The following CFAP44 variants were observed in gnomAD, a reference collection of about 807,000 sequenced individuals.
CFAP44 encodes the protein cilia- and flagella-associated protein 44.
Under a neutral mutation model 216.2 loss-of-function variants are expected in CFAP44, and 134 were observed. That is an observed-to-expected ratio of 0.62 (90% confidence interval 0.54 to 0.72). The LOEUF is 0.72. CFAP44 is among the 30% of genes least tolerant of loss of function. The pLI, the probability that CFAP44 is intolerant of heterozygous loss-of-function variation, is 0.00. For missense variants in CFAP44, 2,035 were observed against 2,182.1 expected, an observed-to-expected ratio of 0.93 and a Z score of 1.34; for synonymous variants, 700 against 727.6, an observed-to-expected ratio of 0.96 and a Z score of 0.61.
rs116111943 is a variant in CFAP44 at position 113,297,323 on chromosome 3, A to C, written c.5078-438T>G. On this transcript the variant is annotated intron_variant, in intron 32 of 34. Transcript: ENST00000393845. The stretch of plus-strand genomic sequence containing the variant: ...GAGGCCCTGCATGGTCAGCCTGCCT[A>C]CCCTGCTTTCTCTCCCCGCTGCTTT... 2.6e-5 allele frequency among the ~76,000 whole-genome samples: 4 copies of C among 151,856 alleles called. No homozygotes were observed. In the East Asian group the frequency reaches 7.7e-4, roughly 29 times the overall value.
chr3:113,420,698 T>C (rs1021817743), intron 4 of CFAP44, among the ~76,000 whole-genome samples: 1 of 152,222 alleles, frequency 6.6e-6, no homozygotes, highest in African/African-American at 2.4e-5. Context: ...GCCTTTTCCT[T>C]GATGTTGAAA....
Position 113,291,634 on chromosome 3 carries a change from A to T in CFAP44, c.5488T>A (p.Leu1830Met). The stretch of plus-strand genomic sequence containing the variant: ...AGGATAAGACTGCCTTTCCTACGCA[A>T]AAGAGCAATCTCCTCCTTTAAGGCC... ...ISALKEEIAL[L>M]RRKGSLILPP... is the part of the protein sequence containing the mutation. Residue 1830 changes from leucine to methionine, a missense_variant, in exon 35 of 35, where the codon TTG becomes ATG. Physicochemically the swap from Leu to Met is conservative, Grantham distance 15. Coordinates refer to ENST00000393845, the MANE Select transcript of CFAP44 (RefSeq NM_001164496.2). The T allele has an allele frequency of 6.5e-7, 1 of 1,537,334 alleles. No individual in the cohort carries two copies. Among genetic ancestry groups the T allele is most frequent in the South Asian group, 1.2e-5 (1 of 84,058 alleles).
chr3:113,401,537 T>C (rs757263081), intron 10 of CFAP44, 47 bp downstream of exon 10: 1 of 1,600,974 alleles, frequency 6.2e-7, no homozygotes, highest in African/African-American at 1.3e-5. Flanking sequence ...ACTTTAATTT[T>C]TGGTCCATGT....
chr3:113,405,661 G>T (rs1576593000), intron 8 of CFAP44, among the ~76,000 whole-genome samples: 1 of 152,124 alleles, frequency 6.6e-6, no homozygotes, highest in East Asian at 1.9e-4. Flanking sequence ...CTAAAAATTT[G>T]ATATTTATTT....
intron 22 of CFAP44, among the ~76,000 whole-genome samples, chr3:113,345,976 G>A (rs1950377688): frequency 6.6e-6 from 1 of 152,002 alleles, no homozygotes; most frequent in Non-Finnish European, 1.5e-5. Context: ...TTTGCCCACT[G>A]GAACTTTTAA....
intron 21 of CFAP44, chr3:113,360,377 T>C (rs188108506): frequency 9.7e-4 from 221 of 226,926 alleles, no homozygotes; most frequent in South Asian, 1.8e-3. Flanking sequence ...TGTCTGAGTA[T>C]TTGAGAATGA....
chr3:113,426,340 A>C (rs1934959545), intron 3 of CFAP44, 63 bp from the exon 4 acceptor site: 51 of 1,551,250 alleles, frequency 3.3e-5, no homozygotes, highest in Admixed American at 1.1e-4. Context: ...CCCAAATCTC[A>C]ACTTGAATTG....
chr3:113,327,838 T>C lies in CFAP44; in HGVS notation c.4117-19A>G. ...CTTTGATCTGAGATGGAAAAAATAT[T>C]TGCGGATACGTTAGAAGACTAGATA... On this transcript the variant is annotated intron_variant, in intron 26 of 34. Coordinates refer to ENST00000393845, the MANE Select transcript of CFAP44 (RefSeq NM_001164496.2). 1 of 1,534,656 alleles carries C rather than the reference T, an allele frequency of 6.5e-7. No individual in the cohort carries two copies.
At chr3:113,327,912 T>C (rs1950202183) in intron 26 of CFAP44, 93 bp from the exon 27 acceptor site, 2 of 1,131,870 alleles carry the variant, frequency 1.8e-6, no homozygotes, top group South Asian at 1.6e-5. Flanking sequence ...GAAGTCATTT[T>C]TTATTATGCC....
At chr3:113,390,014 C>T (rs1933752990) in intron 15 of CFAP44, among the ~76,000 whole-genome samples, 1 of 152,100 alleles carries the variant, frequency 6.6e-6, no homozygotes, top group Non-Finnish European at 1.5e-5. Context: ...CAGTACTACC[C>T]TAATACCAAA....
chr3:113,358,963 A>G, intron 21 of CFAP44, 88 bp from the exon 22 acceptor site: 1 of 1,403,612 alleles, frequency 7.1e-7, no homozygotes, highest in Non-Finnish European at 9.4e-7. Flanking sequence ...TTCATGCTGC[A>G]TCATAACTCT....
At chr3:113,434,062 T>C (rs1393209630) in intron 1 of CFAP44, 2 of 171,084 alleles carry the variant, frequency 1.2e-5, no homozygotes, top group African/African-American at 2.4e-5. Flanking sequence ...TTTCAGTTTT[T>C]AAAATATTTT....
intron 19 of CFAP44, among the ~76,000 whole-genome samples, chr3:113,365,604 T>C (rs1047516729): frequency 2.6e-5 from 4 of 152,190 alleles, no homozygotes; most frequent in Admixed American, 6.5e-5. Context: ...CATTGTCACA[T>C]TCTAATACTA....
chr3:113,416,736 T>G lies in CFAP44; in HGVS notation c.571-109A>C, dbSNP rs939088068. 6 of 764,726 alleles carry G rather than the reference T, an allele frequency of 7.8e-6. No homozygotes were observed. In the East Asian group the frequency reaches 8.9e-5, roughly 11 times the overall value. The allele number at this position is 764,726 out of a possible 1,614,324, so 47.4% of individuals were successfully genotyped here. ...TATTTCATAATTTATTAGGCTTTACTCTAATAGAAAACTCAAAAATGGGCA... is the reference window on the plus strand; with the variant it reads ...TATTTCATAATTTATTAGGCTTTACGCTAATAGAAAACTCAAAAATGGGCA... On this transcript the variant is annotated intron_variant, in intron 5 of 34. Transcript: ENST00000393845.
intron 15 of CFAP44, among the ~76,000 whole-genome samples, chr3:113,386,410 A>G (rs1354002718): frequency 1.3e-5 from 2 of 152,102 alleles, no homozygotes; most frequent in African/African-American, 4.8e-5. Flanking sequence ...ATTATTTCCT[A>G]TTAGTCTGTA....
At chr3:113,423,958 A>T (rs1934891220) in intron 4 of CFAP44, among the ~76,000 whole-genome samples, 1 of 152,192 alleles carries the variant, frequency 6.6e-6, no homozygotes, top group African/African-American at 2.4e-5. Context: ...ACACAGTTTG[A>T]ACAGTTGGCC....
chr3:113,351,058 G>C (rs1396088426), intron 22 of CFAP44, among the ~76,000 whole-genome samples: 1 of 152,168 alleles, frequency 6.6e-6, no homozygotes, highest in Non-Finnish European at 1.5e-5. Flanking sequence ...TGTAGAGGCA[G>C]GGTTAGGAAA....
At chr3:113,399,038 T>C (rs985846531) in intron 13 of CFAP44, among the ~76,000 whole-genome samples, 1 of 152,156 alleles carries the variant, frequency 6.6e-6, no homozygotes, top group African/African-American at 2.4e-5. Flanking sequence ...TGAGCTACCA[T>C]GTAAAAAGTG....
At chr3:113,389,300 A>G (rs1444436947) in intron 15 of CFAP44, among the ~76,000 whole-genome samples, 7 of 152,164 alleles carry the variant, frequency 4.6e-5, no homozygotes, top group Admixed American at 3.9e-4. Flanking sequence ...AATTAAGAAG[A>G]AAATTTAAAA....
Sources: allele counts gnomAD v4.1 joint callset (sites outside exome capture counted in the v4.1 genomes callset), GRCh38; gene constraint gnomAD v4.1.1; transcripts MANE v1.5; gene names NCBI Gene and HGNC (gene_info 2026-07-23, HGNC 2026-07-21).